ZNF385C: variants seen among roughly 807,000 people sequenced by gnomAD.
ZNF385C encodes zinc finger protein 385C.
A neutral mutation model predicts 35.4 loss-of-function variants in ZNF385C; 28 were observed. The observed-to-expected ratio is 0.79, with a 90% CI of 0.59 to 1.08. ZNF385C has a LOEUF of 1.08. Among genes scored for constraint, ZNF385C ranks in the 50% least tolerant of loss-of-function variants. The pLI, the probability that ZNF385C is intolerant of heterozygous loss-of-function variation, is 0.00. For synonymous variants in ZNF385C, 248 were observed against 248.2 expected (o/e 1.00, Z 0.01); for missense variants, 605 against 595.6 (o/e 1.02, Z -0.16).
chr17:42,077,470 C>T (rs1355140478), intron 1 of ZNF385C, among the ~76,000 whole-genome samples: 1 of 152,156 alleles, frequency 6.6e-6, no homozygotes, highest in Non-Finnish European at 1.5e-5. Context: ...AGGCCCATAC[C>T]GAACAGCAGC....
At chr17:42,082,127 C>T (rs1416065393) in intron 1 of ZNF385C, among the ~76,000 whole-genome samples, 1 of 152,236 alleles carries the variant, frequency 6.6e-6, no homozygotes, top group Non-Finnish European at 1.5e-5. Flanking sequence ...CCCACCACCT[C>T]AGCCCCTTGG....
chr17:42,067,614 C>G (rs1318910834), intron 1 of ZNF385C, among the ~76,000 whole-genome samples: 3 of 152,156 alleles, frequency 2.0e-5, no homozygotes, highest in Admixed American at 6.5e-5. Flanking sequence ...CCACAGAGGG[C>G]ACACTGGAGG....
intron 1 of ZNF385C, among the ~76,000 whole-genome samples, chr17:42,067,611 G>GGGCA (rs1220578222): frequency 2.0e-5 from 3 of 152,142 alleles, no homozygotes; most frequent in Admixed American, 6.6e-5. Flanking sequence ...TTCCCACAGA[G>GGGCA]GGCACACTGG....
chr17:42,053,957 C>T (rs989087168), intron 2 of ZNF385C, among the ~76,000 whole-genome samples: 19 of 152,076 alleles, frequency 1.2e-4, no homozygotes, highest in African/African-American at 4.6e-4. Flanking sequence ...GGGGAGGGCG[C>T]GAGGGAGGGA....
At chr17:42,093,122 G>A (rs956126193) in intron 1 of ZNF385C, among the ~76,000 whole-genome samples, 2 of 152,340 alleles carry the variant, frequency 1.3e-5, no homozygotes, top group South Asian at 2.1e-4. Context: ...GGCCACAGAG[G>A]TGGGGAGGCC....
chr17:42,034,496 TG>T (rs1173154694), intron 3 of ZNF385C, among the ~76,000 whole-genome samples, 161 bp from the exon 4 acceptor site: 3 of 151,918 alleles, frequency 2.0e-5, no homozygotes, highest in Non-Finnish European at 2.9e-5. Context: ...GAGAAACAGC[TG>T]GGCCAGGCGC....
intron 8 of ZNF385C, among the ~76,000 whole-genome samples, 180 bp from the exon 9 acceptor site, chr17:42,027,313 C>G (rs2052608725): frequency 6.6e-6 from 1 of 152,026 alleles, no homozygotes; most frequent in South Asian, 2.1e-4. Flanking sequence ...CACCACCTGT[C>G]TTCCTGTCCA....
In ZNF385C at chr17:42,028,566, C is replaced by T. The variant is rs2052651600; in HGVS notation, c.967+217G>A. The T allele has an allele frequency of 6.2e-6, 4 of 642,968 alleles. No individual in the cohort carries two copies. The African/African-American group carries it at 7.3e-5, about 12-fold the overall frequency. 39.8% of individuals were successfully genotyped at this position (642,968 alleles called of 1,614,324 possible). A position where few individuals can be genotyped will look rare whatever the true frequency, so the allele number is the denominator to read the frequency against. On this transcript the variant is annotated intron_variant, in intron 6 of 8. Transcript: ENST00000692273. ...GAGTGACCCTTCAGAGATTTAGCGA[C>T]CTTCAGTTCTTGCTGCCTCAGACTT...
At chr17:42,081,413 G>A (rs1341266257) in intron 1 of ZNF385C, among the ~76,000 whole-genome samples, 2 of 152,120 alleles carry the variant, frequency 1.3e-5, no homozygotes, top group Non-Finnish European at 2.9e-5. Context: ...TTGAGACAGA[G>A]TCTGACTCTG....
At position 42,028,084 on chromosome 17, in the gene ZNF385C, T is replaced by C. The variant is rs1555654509; in HGVS notation, c.1130A>G (p.Gln377Arg). The part of the protein sequence containing the change: ...PSPAFHCALC[Q>R]LQVNSETQLK... ...TTGGGTCTCTGAATTGACCTGGAGC[T>C]GACAGAGAGCACAGTGGAAGGCAGG... is the stretch of plus-strand genomic sequence containing the variant. The change falls in exon 7 of 9, where the codon CAG becomes CGG. Residue 377 changes from glutamine (Q) to arginine (R), a missense_variant. By Grantham distance (43) the Gln-to-Arg change is conservative. Coordinates refer to ENST00000692273, the MANE Select transcript of ZNF385C (RefSeq NM_001392013.1). 1 of 1,613,802 alleles carries C rather than the reference T, an allele frequency of 6.2e-7. No individual in the cohort carries two copies. The highest frequency in any genetic ancestry group is 2.2e-5 in the East Asian group (1 of 44,844).
In ZNF385C at chr17:42,062,879, C is replaced by A. The variant is rs1598196936; in HGVS notation, c.178G>T (p.Val60Leu). Residue 60 changes from valine (V) to leucine (L), a missense_variant, in exon 2 of 9, where the codon GTG (valine) becomes TTG (leucine). Physicochemically the swap from Val to Leu is conservative, Grantham distance 32. Transcript: ENST00000692273. The part of the protein sequence containing the change: ...IQLNSAAQAQ[V>L]HCGGRAHQRR... ...TGGTGGGCCCGCCCCCCACAGTGCACCTGGGCCTGGGCCGCCGAGTTCAGC... is the reference window on the plus strand; with the variant it reads ...TGGTGGGCCCGCCCCCCACAGTGCAACTGGGCCTGGGCCGCCGAGTTCAGC... The A allele has an allele frequency of 4.5e-6, 3 of 670,174 alleles. No homozygotes were observed. In the African/African-American group the frequency reaches 5.4e-5, roughly 12 times the overall value. 41.5% of individuals were successfully genotyped at this position (670,174 alleles called of 1,614,324 possible). A position where few individuals can be genotyped will look rare whatever the true frequency, so the allele number is the denominator to read the frequency against.
intron 1 of ZNF385C, among the ~76,000 whole-genome samples, chr17:42,096,443 C>A (rs1227658373): frequency 2.6e-5 from 4 of 152,110 alleles, no homozygotes; most frequent in Admixed American, 6.5e-5. Context: ...CAGAGTGGAG[C>A]CTTTGAAAGC....
chr17:42,042,320 G>A (rs1015259892), intron 2 of ZNF385C, among the ~76,000 whole-genome samples: 11 of 152,118 alleles, frequency 7.2e-5, no homozygotes, highest in Non-Finnish European at 1.2e-4. Context: ...TCAGGAGTTC[G>A]AAACTGGCCT....
chr17:42,086,824 AAT>A (rs1454212538), intron 1 of ZNF385C, among the ~76,000 whole-genome samples: 25 of 150,940 alleles, frequency 1.7e-4, no homozygotes, highest in Non-Finnish European at 3.5e-4. Flanking sequence ...AACTCAGTTT[AAT>A]ACTTTTTTTT....
In ZNF385C at chr17:42,027,043, C is replaced by G; in HGVS notation, c.1366G>C (p.Ala456Pro). 1 of 1,608,494 alleles carries G rather than the reference C, an allele frequency of 6.2e-7. No individual in the cohort carries two copies. The highest frequency in any genetic ancestry group is 8.5e-7 in the Non-Finnish European group (1 of 1,177,444). ...PLPTAATAIC[A>P]LPGPLALRPA... ...CGGAGGGCCAGGGGCCCTGGCAGAG[C>G]ACAGATGGCAGTGGCTGCGGTGGGG... Residue 456 changes from alanine to proline, a missense_variant, in exon 9 of 9, where the codon GCT becomes CCT. By Grantham distance (27) the Ala-to-Pro change is conservative. Transcript: ENST00000692273.
chr17:42,085,653 A>G (rs1192199616), intron 1 of ZNF385C, among the ~76,000 whole-genome samples: 1 of 142,820 alleles, frequency 7.0e-6, no homozygotes, highest in African/African-American at 2.6e-5. Context: ...GCTGGAGTGC[A>G]GTGGCGCGAT....
chr17:42,036,310 T>C (rs782743089), intron 3 of ZNF385C, among the ~76,000 whole-genome samples: 44 of 152,064 alleles, frequency 2.9e-4, no homozygotes, highest in Non-Finnish European at 5.1e-4. Flanking sequence ...CTTTTCCTTA[T>C]TTTAAATCAT....
chr17:42,054,495 T>C (rs2053340426), intron 2 of ZNF385C, among the ~76,000 whole-genome samples: 1 of 151,838 alleles, frequency 6.6e-6, no homozygotes, highest in Non-Finnish European at 1.5e-5. Flanking sequence ...GTCTTGCCAC[T>C]GTTAGTCTAG....
chr17:42,078,028 T>A (rs1368643699), intron 1 of ZNF385C, among the ~76,000 whole-genome samples: 1 of 152,080 alleles, frequency 6.6e-6, no homozygotes, highest in Non-Finnish European at 1.5e-5. Context: ...CCAGCCAGGC[T>A]CCCCCAGTGG....
Sources: allele counts gnomAD v4.1 joint callset (sites outside exome capture counted in the v4.1 genomes callset), GRCh38; gene constraint gnomAD v4.1.1; transcripts MANE v1.5; gene names NCBI Gene and HGNC (gene_info 2026-07-23, HGNC 2026-07-21).